Variants in MYH7B observed in about 807,000 individuals in gnomAD.
MYH7B encodes myosin-7B.
MYH7B carries 205 observed loss-of-function variants against 234.5 expected under a neutral mutation model. That is an observed-to-expected ratio of 0.87 (90% CI 0.78 to 0.98). MYH7B has a LOEUF of 0.98. Ranked by LOEUF, MYH7B falls within the 50% of genes least tolerant of loss-of-function variation. The probability of loss-of-function intolerance (pLI) is 0.00; values close to 1 mark genes in which losing one functional copy is unlikely to be tolerated. For synonymous variants in MYH7B, 1,193 were observed against 1,105.0 expected, an observed-to-expected ratio of 1.08 and a Z score of -1.58; for missense variants, 2,652 against 2,633.4, an observed-to-expected ratio of 1.01 and a Z score of -0.15.
chr20:34,964,324 G>A (rs1430655016), intron 2 of MYH7B, among the ~76,000 whole-genome samples: 2 of 152,194 alleles, frequency 1.3e-5, no homozygotes, highest in Non-Finnish European at 2.9e-5. Flanking sequence ...TTCAGTAAGT[G>A]TTTACATGGT....
chr20:34,979,714 C>T (rs370199413), exon 7 of MYH7B: 15 of 1,614,090 alleles, frequency 9.3e-6, no homozygotes, highest in Non-Finnish European at 1.3e-5. Context: ...CTCGCTTCGA[C>T]TTACTGGAGG....
chr20:34,999,662 G>T (rs2082330114), exon 37 of MYH7B: 4 of 1,613,700 alleles, frequency 2.5e-6, no homozygotes, highest in Non-Finnish European at 3.4e-6. Context: ...AAGGCGAGAA[G>T]AGTGAGATCC....
Position 34,958,535 on chromosome 20 carries a change from G to T in MYH7B, c.-222+323G>T, listed in dbSNP as rs1353033549. On this transcript the variant is annotated intron_variant, in intron 2 of 44. Coordinates refer to ENST00000262873, the Ensembl canonical transcript of MYH7B. ...GGCTGGAGTGCAGTGGTGCGATCTT[G>T]GCTCACTGCAACCTCTGTCTCCTGG... Among the ~76,000 whole-genome samples, 4 of 152,042 alleles carry T rather than the reference G, an allele frequency of 2.6e-5. No individual in the cohort carries two copies. In the East Asian group the frequency reaches 7.7e-4, roughly 29 times the overall value.
chr20:34,981,046 G>T (rs1256411209), exon 9 of MYH7B: 21 of 1,614,116 alleles, frequency 1.3e-5, no homozygotes, highest in Non-Finnish European at 1.8e-5. Flanking sequence ...GAGACAACCA[G>T]TCCATGCTGA....
At chr20:34,993,271 C>T in intron 25 of MYH7B, 46 bp downstream of exon 25, 1 of 1,613,994 alleles carries the variant, frequency 6.2e-7, no homozygotes, top group Non-Finnish European at 8.5e-7. Context: ...GTGGCGGTCA[C>T]ACTGGGCAGG....
chr20:34,984,114 C>T (rs2081980541), intron 10 of MYH7B, among the ~76,000 whole-genome samples: 1 of 152,224 alleles, frequency 6.6e-6, no homozygotes, highest in Non-Finnish European at 1.5e-5. Context: ...CTGCCCAGAG[C>T]TAAGTCTCCT....
At chr20:34,993,142 T>A in exon 25 of MYH7B, 1 of 1,613,926 alleles carries the variant, frequency 6.2e-7, no homozygotes, top group Non-Finnish European at 8.5e-7. Flanking sequence ...GGATGACACC[T>A]TCATGGACAG....
At chr20:35,000,197 G>C in intron 38 of MYH7B, 96 bp from the exon 39 acceptor site, 1 of 1,415,784 alleles carries the variant, frequency 7.1e-7, no homozygotes, top group Non-Finnish European at 9.5e-7. Flanking sequence ...TGACTCATTT[G>C]TTCTCAAAAT....
intron 2 of MYH7B, among the ~76,000 whole-genome samples, chr20:34,966,921 T>A (rs2081747210): frequency 6.6e-6 from 1 of 151,772 alleles, no homozygotes; most frequent in East Asian, 1.9e-4. Flanking sequence ...ATACCTTGTC[T>A]TTAAAAATTT....
intron 19 of MYH7B, among the ~76,000 whole-genome samples, chr20:34,989,416 C>G (rs766570355): frequency 1.2e-4 from 18 of 152,018 alleles, no homozygotes; most frequent in Non-Finnish European, 2.2e-4. Context: ...TTTGACTTAC[C>G]CCATGTTTGT....
Position 35,002,086 on chromosome 20 carries a change from G to T in MYH7B, c.5814+1G>T. 5.0e-6 allele frequency: 8 copies of T among 1,613,678 alleles called. No homozygotes were observed. The highest frequency in any genetic ancestry group is 2.2e-5 in the East Asian group (1 of 44,876). On this transcript the variant is annotated splice_donor_variant, in intron 44 of 44. Coordinates refer to ENST00000262873, the Ensembl canonical transcript of MYH7B. LOFTEE classifies it high-confidence loss of function. ...GACCCGGGACGCCCTGGGCCCCAAG[G>T]TGAGGAGTGGCAGGGGCATTGCTCT...
At chr20:34,969,540 C>CTTTT (rs770172832) in intron 2 of MYH7B, among the ~76,000 whole-genome samples, 23 of 126,776 alleles carry the variant, frequency 1.8e-4, no homozygotes, top group African/African-American at 2.7e-4. Context: ...TCTTCTGCTC[C>CTTTT]TTTTTTTTTT....
At chr20:34,992,123 C>A (rs1000122977) in intron 24 of MYH7B, among the ~76,000 whole-genome samples, 1 of 152,190 alleles carries the variant, frequency 6.6e-6, no homozygotes, top group Non-Finnish European at 1.5e-5. Context: ...CGGTGGCTAA[C>A]GCCTGTAATC....
chr20:34,987,794 G>T (rs1374949031), exon 18 of MYH7B: 14 of 1,614,212 alleles, frequency 8.7e-6, no homozygotes, highest in Non-Finnish European at 1.1e-5. Context: ...CTCTGGCCAA[G>T]GCCACCTATG....
chr20:34,992,254 C>T (rs1382752678), intron 24 of MYH7B, among the ~76,000 whole-genome samples: 2 of 151,730 alleles, frequency 1.3e-5, no homozygotes, highest in Admixed American at 1.3e-4. Context: ...GGCGTGGTGG[C>T]GGGAGCCTGT....
In MYH7B at chr20:34,999,606, A is replaced by C. The variant is rs762276873; in HGVS notation, c.4576A>C (p.Ser1526Arg). Reference sequence around the variant, plus strand: ...CGACCTCACAGACCAGGTGAGTCTCAGTGGGAAGAGCATCCAGGAACTGGA... The same window carrying C: ...CGACCTCACAGACCAGGTGAGTCTCCGTGGGAAGAGCATCCAGGAACTGGA... Residue 1526 changes from serine to arginine, a missense_variant, in exon 37 of 45, where the codon AGT (serine) becomes CGT (arginine). This residue lies in a region of MYH7B where 2,279 missense variants were observed against 2,211.4 expected (regional missense o/e 1.03). Transcript: ENST00000262873. 2.0e-5 allele frequency: 33 copies of C among 1,613,262 alleles called. 1 individual carries two copies. In the Middle Eastern group the frequency reaches 5.0e-4, roughly 24 times the overall value.
intron 14 of MYH7B, among the ~76,000 whole-genome samples, 198 bp downstream of exon 14, chr20:34,986,396 T>C (rs1201147147): frequency 6.6e-6 from 1 of 152,224 alleles, no homozygotes; most frequent in Non-Finnish European, 1.5e-5. Flanking sequence ...TGCCAACGTG[T>C]TATCGCTGCC....
chr20:34,981,114 G>A (rs754923946), intron 9 of MYH7B, 54 bp downstream of exon 9: 1 of 1,606,402 alleles, frequency 6.2e-7, no homozygotes, highest in Non-Finnish European at 8.5e-7. Flanking sequence ...CTGGCAGAAA[G>A]AGGGCGGTAC....
chr20:35,000,823 G>A, exon 40 of MYH7B: 2 of 1,613,808 alleles, frequency 1.2e-6, no homozygotes, highest in Non-Finnish European at 1.7e-6. Context: ...GCCCAGCTGA[G>A]CGGGGAGGTG....
Sources: gnomAD v4.1 joint callset for allele counts (sites outside exome capture counted in the v4.1 genomes callset) on GRCh38, gnomAD v4.1.1 for gene constraint, gnomAD v4.1.1 regional missense constraint, MANE v1.5 for transcripts, NCBI Gene and HGNC (gene_info 2026-07-23, HGNC 2026-07-21) for gene names.